PNPLA7: variants seen among roughly 807,000 people sequenced by gnomAD.
The protein encoded by PNPLA7 is patatin like domain 7, lysophospholipase, also known as patatin-like phospholipase domain-containing protein 7.
PNPLA7 carries 153 observed loss-of-function variants against 161.7 expected under a neutral mutation model. That is an observed-to-expected ratio of 0.95 (90% CI 0.83 to 1.08). The LOEUF is 1.08. Among genes scored for constraint, PNPLA7 ranks in the 50% least tolerant of loss-of-function variants. The probability of loss-of-function intolerance (pLI) is 0.00; values close to 1 mark genes in which losing one functional copy is unlikely to be tolerated. For synonymous variants in PNPLA7, 809 were observed against 782.1 expected (o/e 1.03, Z -0.57); for missense variants, 1,739 against 1,856.6 (o/e 0.94, Z 1.16).
intron 33 of PNPLA7, chr9:137,461,310 T>G: frequency 2.0e-6 from 1 of 490,432 alleles, no homozygotes; most frequent in East Asian, 3.3e-5. Flanking sequence ...TTGAGGTGAA[T>G]GAAGGGCAGG....
At chr9:137,469,173 G>A (rs947496471) in intron 25 of PNPLA7, among the ~76,000 whole-genome samples, 2 of 152,222 alleles carry the variant, frequency 1.3e-5, no homozygotes, top group Non-Finnish European at 2.9e-5. Context: ...CTCAATGAGT[G>A]GGTCTAACGG....
rs1476936662 is a variant in PNPLA7, at chr9:137,500,676, G to C, written c.1757+15C>G. Reference sequence around the variant, plus strand: ...GGCTGGGGCCCGCCCTGAGGTCCTGGCCCGTGGGACTCACTCATAGAAGTG... The same window carrying C: ...GGCTGGGGCCCGCCCTGAGGTCCTGCCCCGTGGGACTCACTCATAGAAGTG... On this transcript the variant is annotated intron_variant, in intron 16 of 34. Coordinates refer to ENST00000406427, the MANE Select transcript of PNPLA7 (RefSeq NM_001098537.3). The surrounding 1 kb of genome is among the most constrained non-coding windows in gnomAD (Gnocchi z 5.5). 1 of 1,611,236 alleles carries C rather than the reference G, an allele frequency of 6.2e-7. No homozygotes were observed. The highest frequency in any genetic ancestry group is 8.5e-7 in the Non-Finnish European group (1 of 1,179,474).
At position 137,460,101 on chromosome 9, in the gene PNPLA7, G is replaced by A; in HGVS notation, c.*292C>T. ...AGCAGGTGGTTCACAGGGCTTCGGGGGGCCTCACAGGGCTTCGGGGGGCCT... is the reference window on the plus strand; with the variant it reads ...AGCAGGTGGTTCACAGGGCTTCGGGAGGCCTCACAGGGCTTCGGGGGGCCT... On this transcript the variant is annotated 3_prime_UTR_variant, in exon 35 of 35. Transcript: ENST00000406427. 1 of 339,938 alleles carries A rather than the reference G, an allele frequency of 2.9e-6. No individual in the cohort carries two copies. Among genetic ancestry groups the A allele is most frequent in the Admixed American group, 4.1e-5 (1 of 24,582 alleles). The allele number at this position is 339,938 out of a possible 1,614,324, so 21.1% of individuals were successfully genotyped here.
chr9:137,546,393 C>G (rs1836528258), intron 4 of PNPLA7, among the ~76,000 whole-genome samples: 1 of 151,986 alleles, frequency 6.6e-6, no homozygotes. Context: ...GGTAGTGGTC[C>G]CCAGGACCCA....
In PNPLA7 at chr9:137,460,346, G is replaced by T. The variant is rs762150796; in HGVS notation, c.*47C>A. The T allele has an allele frequency of 6.4e-6, 10 of 1,562,438 alleles. No homozygotes were observed. Among genetic ancestry groups the T allele is most frequent in the Admixed American group, 1.7e-5 (1 of 57,562 alleles). On this transcript the variant is annotated 3_prime_UTR_variant, in exon 35 of 35. Coordinates refer to ENST00000406427, the MANE Select transcript of PNPLA7 (RefSeq NM_001098537.3). ...ACTTGGCAGGAGCCTCAGCCTTGGG[G>T]ACAGTCCCACGGAAGACGCTGCATC...
At chr9:137,469,100 T>C (rs1831604305) in intron 25 of PNPLA7, among the ~76,000 whole-genome samples, 1 of 152,168 alleles carries the variant, frequency 6.6e-6, no homozygotes, top group Non-Finnish European at 1.5e-5. Context: ...AACAAGAGTG[T>C]TAATTCTGGC....
Position 137,480,296 on chromosome 9 carries a change from C to A in PNPLA7, c.2580+16G>T. ...AGAGGGCTCTCCCCAGCTCCACCGG[C>A]CCTCCCCGTGCTCACCTCGCCCACT... On this transcript the variant is annotated intron_variant, in intron 23 of 34. Coordinates refer to ENST00000406427, the MANE Select transcript of PNPLA7 (RefSeq NM_001098537.3). 1.2e-6 allele frequency: 2 copies of A among 1,608,760 alleles called. No individual in the cohort carries two copies. The highest frequency in any genetic ancestry group is 1.7e-6 in the Non-Finnish European group (2 of 1,178,884).
Position 137,543,804 on chromosome 9 carries a change from G to C in PNPLA7, c.285C>G (p.Leu95=). 6.2e-7 allele frequency: 1 copy of C among 1,613,662 alleles called. No homozygotes were observed. The highest frequency in any genetic ancestry group is 8.5e-7 in the Non-Finnish European group (1 of 1,179,894). The change falls in exon 5 of 35, where the codon CTC becomes CTG. Residue 95 remains leucine (L), a synonymous_variant. Transcript: ENST00000406427. This position sits in a 1 kb window ranked among gnomAD's most constrained non-coding sequence, Gnocchi z 6.9. ...CAGTGTTCTCCACAAGGGTGTTGGG[G>C]AGTGTGGTCACCTGCAGAGCCAAGG... The part of the protein sequence containing the change: ...GRKIMRKVTT[L]PNTLVENTAL...
intron 12 of PNPLA7, among the ~76,000 whole-genome samples, chr9:137,514,039 C>T (rs2132412370): frequency 6.6e-6 from 1 of 152,318 alleles, no homozygotes; most frequent in South Asian, 2.1e-4. Flanking sequence ...ATGCCCTGGG[C>T]CCTGTGGCTG....
Position 137,490,111 on chromosome 9 carries a change from T to C in PNPLA7, c.2197+2902A>G, listed in dbSNP as rs1481380540. 6.6e-6 allele frequency among the ~76,000 whole-genome samples: 1 copy of C among 152,228 alleles called. No individual in the cohort carries two copies. The highest frequency in any genetic ancestry group is 1.9e-4 in the East Asian group (1 of 5,196). ...AAAACACCTTTTTGTGTGTGTGTTTTGAGGCAGGGTCTTGCTCTGTTGACC... is the reference window on the plus strand; with the variant it reads ...AAAACACCTTTTTGTGTGTGTGTTTCGAGGCAGGGTCTTGCTCTGTTGACC... On this transcript the variant is annotated intron_variant, in intron 20 of 34. Coordinates refer to ENST00000406427, the MANE Select transcript of PNPLA7 (RefSeq NM_001098537.3). This position sits in a 1 kb window ranked among gnomAD's most constrained non-coding sequence, Gnocchi z 4.1.
chr9:137,519,818 C>T, intron 11 of PNPLA7, 99 bp downstream of exon 11: 1 of 1,483,568 alleles, frequency 6.7e-7, no homozygotes, highest in Non-Finnish European at 9.0e-7. Context: ...GTGGTGGCCT[C>T]AGGCATGTGC....
At chr9:137,494,550 CGCGCCCTCACCTGCTCT>C (rs1301328552) in intron 19 of PNPLA7, among the ~76,000 whole-genome samples, 6 of 152,140 alleles carry the variant, frequency 3.9e-5, no homozygotes, top group South Asian at 4.2e-4. Context: ...CACCCTCACC[CGCGCCCTCACCTGCTCT>C]GCGCCCTCAC....
rs567227407 is a variant in PNPLA7 at position 137,541,743 on chromosome 9, G to A, written c.666+899C>T. On this transcript the variant is annotated intron_variant, in intron 7 of 34. Transcript: ENST00000406427. The surrounding 1 kb of genome is among the most constrained non-coding windows in gnomAD (Gnocchi z 4.4). ...GATTCAAAGGGTGGAATTTAACAGA[G>A]GCAGGAAACAAGTATTGAGCTCCTA... Among the ~76,000 whole-genome samples, 1 of 152,284 alleles carries A rather than the reference G, an allele frequency of 6.6e-6. No individual in the cohort carries two copies. The highest frequency in any genetic ancestry group is 1.5e-5 in the Non-Finnish European group (1 of 68,024).
At chr9:137,522,109 A>C (rs188008179) in intron 9 of PNPLA7, among the ~76,000 whole-genome samples, 136 of 152,220 alleles carry the variant, frequency 8.9e-4, no homozygotes, top group Middle Eastern at 3.4e-3. Context: ...GTGTCTCGCT[A>C]TGCCGCCCAG....
chr9:137,538,073 A>C (rs1408637003), intron 8 of PNPLA7, among the ~76,000 whole-genome samples: 1 of 152,156 alleles, frequency 6.6e-6, no homozygotes, highest in Non-Finnish European at 1.5e-5. Flanking sequence ...CAGAGGCTCC[A>C]AAGAGGTGCA....
At position 137,526,219 on chromosome 9, in the gene PNPLA7, C is replaced by T. The variant is rs148561322; in HGVS notation, c.748-3362G>A. On this transcript the variant is annotated intron_variant, in intron 8 of 34. Coordinates refer to ENST00000406427, the MANE Select transcript of PNPLA7 (RefSeq NM_001098537.3). ...AGGAGGATGGCATAGCTCAAGGACA[C>T]GGGAGCCTCATGGCTGGACCATGCC... 8.2e-3 allele frequency among the ~76,000 whole-genome samples: 1,254 copies of T among 152,300 alleles called. 7 individuals are homozygous for T. The highest frequency in any genetic ancestry group is 0.012 in the Non-Finnish European group (847 of 68,018).
intron 8 of PNPLA7, among the ~76,000 whole-genome samples, chr9:137,528,735 C>G (rs376164944): frequency 2.5e-3 from 377 of 147,990 alleles, no homozygotes; most frequent in African/African-American, 8.8e-3. Context: ...GAGTCTCGCT[C>G]TCTTGCCCAG....
rs764461782 is a variant in PNPLA7, at chr9:137,497,338, C to G, written c.1890-28G>C. 3.3e-6 allele frequency: 5 copies of G among 1,500,848 alleles called. No homozygotes were observed. The South Asian group carries it at 6.5e-5, about 19-fold the overall frequency. The allele number at this position is 1,500,848 out of a possible 1,614,324, so 93.0% of individuals were successfully genotyped here. On this transcript the variant is annotated intron_variant, in intron 17 of 34. Transcript: ENST00000406427. Reference sequence around the variant, plus strand: ...GCGGAAGACACAGAGGCCCTGCAGCCCTGGGCCCCCAGCCTCAGCCTCCAC... The same window carrying G: ...GCGGAAGACACAGAGGCCCTGCAGCGCTGGGCCCCCAGCCTCAGCCTCCAC...
rs921388067 is a variant in PNPLA7, at chr9:137,460,705, C to A, written c.3874G>T (p.Glu1292Ter). ...ESDYQTEYEE[E>*]LLDVPRDAYA... is the part of the protein sequence containing the mutation. ...GCATCCCTGGGGACGTCCAGCAGCT[C>A]CTCCTCGTACTCCGTCTGGTAGTCA... The change falls in exon 34 of 35, where the codon GAG (glutamate) becomes TAG (stop). Residue 1292 changes from glutamate to a stop codon, truncating the protein, a stop_gained. Transcript: ENST00000406427. LOFTEE classifies it high-confidence loss of function. 1.9e-6 allele frequency: 3 copies of A among 1,612,830 alleles called. No homozygotes were observed. In the East Asian group the frequency reaches 6.7e-5, roughly 36 times the overall value.
Sources: gnomAD v4.1 joint callset for allele counts (sites outside exome capture counted in the v4.1 genomes callset) on GRCh38, gnomAD v4.1.1 for gene constraint, Gnocchi (gnomAD v3.1) non-coding constraint, MANE v1.5 for transcripts, NCBI Gene and HGNC (gene_info 2026-07-23, HGNC 2026-07-21) for gene names.